Variants in PTPN3 observed in about 807,000 individuals in gnomAD.
PTPN3 encodes the protein protein tyrosine phosphatase non-receptor type 3, also known as tyrosine-protein phosphatase non-receptor type 3.
A neutral mutation model predicts 132.7 loss-of-function variants in PTPN3; 96 were observed. The ratio of observed to expected loss-of-function variants is 0.72; its 90% CI spans 0.61 to 0.86. PTPN3 has a LOEUF of 0.86. PTPN3 is among the 40% of genes least tolerant of loss of function. The probability of loss-of-function intolerance (pLI) is 0.00; values close to 1 mark genes in which losing one functional copy is unlikely to be tolerated. For missense variants in PTPN3, 1,125 were observed against 1,159.6 expected, an observed-to-expected ratio of 0.97 and a Z score of 0.43; for synonymous variants, 398 against 429.0, an observed-to-expected ratio of 0.93 and a Z score of 0.89.
At chr9:109,418,907 C>G (rs1164718466) in intron 14 of PTPN3, among the ~76,000 whole-genome samples, 5 of 152,214 alleles carry the variant, frequency 3.3e-5, no homozygotes, top group Non-Finnish European at 7.3e-5. Flanking sequence ...TCCCAGAGCC[C>G]TCCAACGCTT....
rs116575479 is a variant in PTPN3, at chr9:109,399,853, C to T, written c.1953+4595G>A. Among the ~76,000 whole-genome samples, 1,126 of 152,102 alleles carry T rather than the reference C, an allele frequency of 7.4e-3. 11 individuals are homozygous for T. The highest frequency in any genetic ancestry group is 0.025 in the African/African-American group (1,029 of 41,454). The stretch of plus-strand genomic sequence containing the variant: ...GTACACCCCCATCAGCCAGGACGCC[C>T]ACCTGCCAACCACACTGGAGAAGGT... On this transcript the variant is annotated intron_variant, in intron 19 of 25. Coordinates refer to ENST00000374541, the MANE Select transcript of PTPN3 (RefSeq NM_002829.4).
At chr9:109,521,452 G>A in the PTPN3 span, among the ~76,000 whole-genome samples, 4 of 152,122 alleles carry the variant, frequency 2.6e-5, no homozygotes, top group African/African-American at 7.2e-5. Flanking sequence ...GAGCCACCAC[G>A]CCTGGCCTTG....
chr9:109,523,880 C>T, the PTPN3 span, among the ~76,000 whole-genome samples: 1,149 of 152,254 alleles, frequency 7.5e-3, 14 homozygotes, highest in African/African-American at 0.026. Flanking sequence ...CCTCTTTCAA[C>T]CCCTTGGTCT....
chr9:109,446,660 G>A (rs1446919538), intron 6 of PTPN3, among the ~76,000 whole-genome samples: 1 of 152,140 alleles, frequency 6.6e-6, no homozygotes, highest in East Asian at 1.9e-4. Flanking sequence ...GGGATTTGGG[G>A]AACAACTTAG....
chr9:109,412,003 G>A (rs1339865986), intron 14 of PTPN3, among the ~76,000 whole-genome samples: 1 of 152,180 alleles, frequency 6.6e-6, no homozygotes, highest in African/African-American at 2.4e-5. Context: ...TTTCACTTAC[G>A]TAAAAGGAAG....
rs1405201984 is a variant in PTPN3 at position 109,410,390 on chromosome 9, G to C, written c.1339C>G (p.Gln447Glu). The C allele has an allele frequency of 6.2e-7, 1 of 1,614,140 alleles. No individual in the cohort carries two copies. The highest frequency in any genetic ancestry group is 1.3e-5 in the African/African-American group (1 of 75,040). ...QESLSENNPAQSYLTQKSSSS... is the reference protein window; with the variant it reads ...QESLSENNPAESYLTQKSSSS... ...GATGACTTCTGGGTCAGGTAGCTTT[G>C]TGCCGGATTGTTCTCGGATAAACTC... The change falls in exon 15 of 26, where the codon CAA becomes GAA. Residue 447 changes from glutamine to glutamate, a missense_variant. Physicochemically the swap from Gln to Glu is conservative, Grantham distance 29. Transcript: ENST00000374541.
the PTPN3 span, chr9:109,533,711 T>G: frequency 6.8e-7 from 1 of 1,474,876 alleles, no homozygotes; most frequent in Non-Finnish European, 9.2e-7. Context: ...GTTGGAATAC[T>G]GTGGTCCACG....
In PTPN3 at chr9:109,490,414, T is replaced by C. The variant is rs561095442; in HGVS notation, c.-18+7805A>G. On this transcript the variant is annotated intron_variant, in intron 1 of 25. Transcript: ENST00000374541. ...AACAGACTCAATGTGAGGGGCATTC[T>C]ACAAAATAATTGGCTTGTACTTTCC... Among the ~76,000 whole-genome samples the C allele has an allele frequency of 1.4e-4, 22 of 152,284 alleles. No homozygotes were observed. In the East Asian group the frequency reaches 3.9e-3, roughly 27 times the overall value.
rs553716940 is a variant in PTPN3, at chr9:109,449,567, C to T, written c.369-712G>A. ...TGACTTTGCTCCTCTGCCTGGGGAG[C>T]GGGGAAAGGAGGCCTTCGGCAGCAT... On this transcript the variant is annotated intron_variant, in intron 5 of 25. Transcript: ENST00000374541. The T allele has an allele frequency of 7.2e-4, 712 of 985,200 alleles. 1 individual carries two copies. Among genetic ancestry groups the T allele is most frequent in the Non-Finnish European group, 7.9e-4 (654 of 829,876 alleles). The allele number at this position is 985,200 out of a possible 1,614,324, so 61.0% of individuals were successfully genotyped here.
the PTPN3 span, among the ~76,000 whole-genome samples, chr9:109,518,239 A>C: frequency 2.6e-5 from 4 of 152,216 alleles, no homozygotes; most frequent in Non-Finnish European, 4.4e-5. Context: ...GTTCAATTCA[A>C]TTCAGCAAAC....
the PTPN3 span, among the ~76,000 whole-genome samples, chr9:109,521,837 A>C: frequency 1.3e-5 from 2 of 152,078 alleles, no homozygotes; most frequent in South Asian, 4.1e-4. Context: ...CTATTATGTT[A>C]GAACTAATAT....
intron 6 of PTPN3, among the ~76,000 whole-genome samples, chr9:109,446,266 AAC>A (rs1241686615): frequency 6.6e-6 from 1 of 152,184 alleles, no homozygotes; most frequent in Non-Finnish European, 1.5e-5. Flanking sequence ...GGAAGTGGGG[AAC>A]ACAGTTTCTA....
At chr9:109,487,526 G>T (rs540103212) in intron 1 of PTPN3, among the ~76,000 whole-genome samples, 11 of 152,220 alleles carry the variant, frequency 7.2e-5, no homozygotes, top group Non-Finnish European at 1.5e-4. Flanking sequence ...CGCTCTGGGG[G>T]TGGGGCCTAA....
At chr9:109,402,151 C>G (rs998941216) in intron 19 of PTPN3, among the ~76,000 whole-genome samples, 1 of 152,156 alleles carries the variant, frequency 6.6e-6, no homozygotes, top group African/African-American at 2.4e-5. Flanking sequence ...ACCAAAAAAC[C>G]GGTATGCACT....
chr9:109,427,027 A>C lies in PTPN3; in HGVS notation c.924T>G (p.Phe308Leu), dbSNP rs745807232. ...CCTGAGGTAGTAGCTTCTTTGCCTG[A>C]AAGAACGTATGGTGCTCAACACAGG... ...WKSCVEHHTF[F>L]QAKKLLPQEK... Residue 308 changes from phenylalanine to leucine, a missense_variant, in exon 12 of 26, where the codon TTT (phenylalanine) becomes TTG (leucine). Coordinates refer to ENST00000374541, the MANE Select transcript of PTPN3 (RefSeq NM_002829.4). 1 of 1,613,994 alleles carries C rather than the reference A, an allele frequency of 6.2e-7. No individual in the cohort carries two copies.
At chr9:109,450,421 G>A (rs10979873) in intron 5 of PTPN3, 318,132 of 982,668 alleles carry the variant, frequency 0.32, 53,418 homozygotes, top group African/African-American at 0.48. Context: ...TGGTGAACCC[G>A]GGCTTTCATT....
intron 14 of PTPN3, among the ~76,000 whole-genome samples, chr9:109,415,063 C>CGTCCATCT (rs1353542891): frequency 6.8e-5 from 9 of 131,548 alleles, no homozygotes; most frequent in African/African-American, 1.4e-4. Flanking sequence ...TCCGTCCATC[C>CGTCCATCT]GTCCGTCCAT....
At position 109,480,681 on chromosome 9, in the gene PTPN3, T is replaced by C. The variant is rs548361550; in HGVS notation, c.-17-17230A>G. On this transcript the variant is annotated intron_variant, in intron 1 of 25. Transcript: ENST00000374541. The stretch of plus-strand genomic sequence containing the variant: ...GCTTTAGGGTCTTTTATTAAGGTCA[T>C]TGATCCATTTTGAGTGAATTTTTGT... Among the ~76,000 whole-genome samples, 6 of 152,330 alleles carry C rather than the reference T, an allele frequency of 3.9e-5. No individual in the cohort carries two copies. The South Asian group carries it at 6.2e-4, about 16-fold the overall frequency.
At chr9:109,517,102 C>T in the PTPN3 span, among the ~76,000 whole-genome samples, 18 of 152,288 alleles carry the variant, frequency 1.2e-4, no homozygotes, top group South Asian at 2.1e-4. Context: ...GTTACTTTGC[C>T]TGGCCATAGC....
Sources: allele counts gnomAD v4.1 joint callset (sites outside exome capture counted in the v4.1 genomes callset), GRCh38; gene constraint gnomAD v4.1.1; transcripts MANE v1.5; gene names NCBI Gene and HGNC (gene_info 2026-07-23, HGNC 2026-07-21).